The following EML6 variants were observed in gnomAD, a reference collection of about 807,000 sequenced individuals.
EML6 encodes echinoderm microtubule-associated protein-like 6.
A neutral mutation model predicts 240.1 loss-of-function variants in EML6; 154 were observed. The ratio of observed to expected loss-of-function variants is 0.64; its 90% CI spans 0.56 to 0.73. The LOEUF (loss-of-function observed/expected upper bound fraction) is 0.73. Ranked by LOEUF, EML6 falls within the 30% of genes least tolerant of loss-of-function variation. The pLI, the probability that EML6 is intolerant of heterozygous loss-of-function variation, is 0.00. For missense variants in EML6, 2,964 were observed against 2,474.6 expected (o/e 1.20, Z -4.20); for synonymous variants, 1,148 against 899.0 (o/e 1.28, Z -4.95).
At chr2:54,754,682 ATTTATCAATC>A (rs1207937516) in intron 2 of EML6, among the ~76,000 whole-genome samples, 1 of 152,152 alleles carries the variant, frequency 6.6e-6, no homozygotes. Context: ...GTGAAGTCCA[ATTTATCAATC>A]TTTATCAATC....
chr2:54,765,606 A>G (rs919591536), intron 2 of EML6, among the ~76,000 whole-genome samples: 2 of 152,008 alleles, frequency 1.3e-5, no homozygotes, highest in African/African-American at 4.8e-5. Context: ...GACTACAGGC[A>G]CCCGCCCTAT....
chr2:54,921,995 C>T (rs1674281868), intron 26 of EML6, among the ~76,000 whole-genome samples: 1 of 152,132 alleles, frequency 6.6e-6, no homozygotes, highest in Non-Finnish European at 1.5e-5. Flanking sequence ...ATAAAGAGCT[C>T]CTTGACATTG....
intron 32 of EML6, among the ~76,000 whole-genome samples, chr2:54,955,926 T>C (rs1433817549): frequency 2.0e-5 from 3 of 152,206 alleles, no homozygotes; most frequent in Admixed American, 6.5e-5. Context: ...TACAGATAAA[T>C]AGCATGTGTT....
intron 12 of EML6, among the ~76,000 whole-genome samples, chr2:54,859,970 A>G (rs7588455): frequency 0.42 from 64,153 of 151,978 alleles, 13,969 homozygotes; most frequent in African/African-American, 0.47. Flanking sequence ...AGCTCCTGAC[A>G]CTCCCTCCAC....
intron 7 of EML6, among the ~76,000 whole-genome samples, chr2:54,834,126 A>T (rs1223130466): frequency 6.6e-6 from 1 of 152,068 alleles, no homozygotes; most frequent in Non-Finnish European, 1.5e-5. Flanking sequence ...AGGCTGGGAG[A>T]CACCCTGGAT....
At chr2:54,879,146 T>C (rs924915761) in intron 16 of EML6, among the ~76,000 whole-genome samples, 1 of 152,232 alleles carries the variant, frequency 6.6e-6, no homozygotes, top group Non-Finnish European at 1.5e-5. Context: ...TCAAGTTAAA[T>C]GTCATGAGAT....
intron 25 of EML6, among the ~76,000 whole-genome samples, chr2:54,911,518 C>T (rs1041090138): frequency 1.3e-5 from 2 of 152,080 alleles, no homozygotes; most frequent in East Asian, 1.9e-4. Flanking sequence ...CAACCTCCCC[C>T]TCCCAGGTTA....
chr2:54,801,633 G>A (rs1670153488), intron 2 of EML6, among the ~76,000 whole-genome samples: 1 of 152,172 alleles, frequency 6.6e-6, no homozygotes, highest in Admixed American at 6.5e-5. Flanking sequence ...AAGGAAAATC[G>A]GTGACCTTGA....
intron 2 of EML6, among the ~76,000 whole-genome samples, chr2:54,792,568 A>G (rs1177187272): frequency 6.6e-6 from 1 of 152,244 alleles, no homozygotes; most frequent in Non-Finnish European, 1.5e-5. Flanking sequence ...TGGAGGTGAT[A>G]GAACTGTTGC....
At chr2:54,913,071 GTTT>G (rs1216432893) in intron 25 of EML6, among the ~76,000 whole-genome samples, 1 of 125,722 alleles carries the variant, frequency 8.0e-6, no homozygotes, top group Non-Finnish European at 1.6e-5. Flanking sequence ...GCCAGATTCT[GTTT>G]TTTTTTTTTT....
chr2:54,750,995 T>A (rs529936914), intron 2 of EML6, among the ~76,000 whole-genome samples: 1 of 152,212 alleles, frequency 6.6e-6, no homozygotes, highest in South Asian at 2.1e-4. Flanking sequence ...ACTAAAACAA[T>A]ATGTATTTCA....
chr2:54,868,939 C>T (rs976790688), intron 14 of EML6: 2 of 441,858 alleles, frequency 4.5e-6, no homozygotes, highest in Non-Finnish European at 8.0e-6. Flanking sequence ...AAAGCGCACA[C>T]AACAGCTGAG....
In EML6 at chr2:54,959,281, G is replaced by C. The variant is rs1316993652; in HGVS notation, c.4853+20G>C. ...GAGGCCGTAAGCCAAAGCTCCTATG[G>C]AAACAACTTGTCGTTTGTTGTTATC... On this transcript the variant is annotated intron_variant, in intron 34 of 41. Transcript: ENST00000356458. The C allele has an allele frequency of 1.3e-6, 2 of 1,497,442 alleles. No homozygotes were observed. The highest frequency in any genetic ancestry group is 1.8e-6 in the Non-Finnish European group (2 of 1,119,972). 92.8% of individuals were successfully genotyped at this position (1,497,442 alleles called of 1,614,324 possible).
At chr2:54,861,768 TG>T (rs1219204550) in intron 12 of EML6, among the ~76,000 whole-genome samples, 12 of 138,716 alleles carry the variant, frequency 8.7e-5, no homozygotes, top group African/African-American at 2.5e-4. Flanking sequence ...AGAGGTTTTT[TG>T]TTTTTTTTTT....
At chr2:54,798,027 A>C (rs755376185) in intron 2 of EML6, among the ~76,000 whole-genome samples, 1 of 152,190 alleles carries the variant, frequency 6.6e-6, no homozygotes. Context: ...GTCAATTTCT[A>C]TAAAAAAGCT....
chr2:54,855,654 A>G (rs944163590), intron 11 of EML6, among the ~76,000 whole-genome samples: 1 of 152,180 alleles, frequency 6.6e-6, no homozygotes, highest in Non-Finnish European at 1.5e-5. Flanking sequence ...AGATGACAGT[A>G]TGGTGAGAAG....
At chr2:54,871,701 A>C in intron 16 of EML6, 96 bp downstream of exon 16, 1 of 848,366 alleles carries the variant, frequency 1.2e-6, no homozygotes, top group Non-Finnish European at 2.0e-6. Flanking sequence ...GTGTGTGTGT[A>C]TTTAAACATG....
chr2:54,938,163 T>C lies in EML6; in HGVS notation c.4004+9412T>C, dbSNP rs751396254. 4.6e-5 allele frequency among the ~76,000 whole-genome samples: 7 copies of C among 152,242 alleles called. No homozygotes were observed. The East Asian group carries it at 1.2e-3, about 25-fold the overall frequency. Reference sequence around the variant, plus strand: ...GAGTTCGAGACCAGCCTGGCCAACATGGCAAAACTTTGTCTCTACTAAAAA... The same window carrying C: ...GAGTTCGAGACCAGCCTGGCCAACACGGCAAAACTTTGTCTCTACTAAAAA... On this transcript the variant is annotated intron_variant, in intron 28 of 41. Transcript: ENST00000356458.
At chr2:54,838,689 G>T (rs1449808509) in intron 7 of EML6, among the ~76,000 whole-genome samples, 1 of 152,112 alleles carries the variant, frequency 6.6e-6, no homozygotes, top group Non-Finnish European at 1.5e-5. Context: ...ATTTGGTCTT[G>T]GCATAAGAGG....
Sources: gnomAD v4.1 joint callset for allele counts (sites outside exome capture counted in the v4.1 genomes callset) on GRCh38, gnomAD v4.1.1 for gene constraint, MANE v1.5 for transcripts, NCBI Gene and HGNC (gene_info 2026-07-23, HGNC 2026-07-21) for gene names.